The following TSFM variants were observed in gnomAD, a reference collection of about 807,000 sequenced individuals.
The protein encoded by TSFM is elongation factor Ts, mitochondrial.
A neutral mutation model predicts 33.4 loss-of-function variants in TSFM; 29 were observed. That is an observed-to-expected ratio of 0.87 (90% CI 0.65 to 1.18). TSFM has a LOEUF of 1.18. Among genes scored for constraint, TSFM ranks in the 50% most tolerant of loss-of-function variants. TSFM has a pLI of 0.00. For synonymous variants in TSFM, 178 were observed against 163.5 expected, an observed-to-expected ratio of 1.09 and a Z score of -0.68; for missense variants, 394 against 395.6, an observed-to-expected ratio of 1.00 and a Z score of 0.04.
chr12:57,783,196 G>A lies in TSFM; in HGVS notation c.144G>A (p.Glu48=). The A allele has an allele frequency of 6.2e-7, 1 of 1,613,754 alleles. No individual in the cohort carries two copies. Among genetic ancestry groups the A allele is most frequent in the East Asian group, 2.2e-5 (1 of 44,876 alleles). The stretch of plus-strand genomic sequence containing the variant: ...TGTCTGCCTCGGCCTCCAGCAAGGA[G>A]CTCCTCATGAAGCTGCGGCGGAAAA... ...PRLSASASSK[E]LLMKLRRKTG... Residue 48 remains glutamate (E), a synonymous_variant, in exon 2 of 6, where the codon GAG becomes GAA. Transcript: ENST00000652027.
chr12:57,784,892 C>A (rs868087158), intron 2 of TSFM, among the ~76,000 whole-genome samples: 61 of 130,326 alleles, frequency 4.7e-4, no homozygotes, highest in Admixed American at 2.2e-3. Flanking sequence ...AAAAAAAAAA[C>A]AACAACTTTT....
chr12:57,791,198 T>TG, intron 4 of TSFM, among the ~76,000 whole-genome samples: 1 of 151,922 alleles, frequency 6.6e-6, no homozygotes, highest in South Asian at 2.1e-4. Flanking sequence ...TTAGTAGAAA[T>TG]GGGGTTTCAC....
downstream of TSFM, among the ~76,000 whole-genome samples, chr12:57,798,327 T>C (rs911747460): frequency 6.6e-6 from 1 of 152,214 alleles, no homozygotes; most frequent in Non-Finnish European, 1.5e-5. Flanking sequence ...AAGAACTAAA[T>C]TGAGCTATGG....
At chr12:57,794,841 G>A (rs901027444) in intron 5 of TSFM, among the ~76,000 whole-genome samples, 4 of 149,358 alleles carry the variant, frequency 2.7e-5, no homozygotes, top group African/African-American at 9.9e-5. Flanking sequence ...CTCACTGCAA[G>A]CTCTGCCTCC....
rs1469228708 is a variant in TSFM, at chr12:57,782,866, G to C, written c.57+8G>C. 3.1e-6 allele frequency: 5 copies of C among 1,590,888 alleles called. No individual in the cohort carries two copies. Among genetic ancestry groups the C allele is most frequent in the Non-Finnish European group, 8.6e-7 (1 of 1,169,520 alleles). ...CGGACCGGGAGCTACCCGGTGAGAAGTCCTGGTGCTGGTACCGACCTGCTG... is the reference window on the plus strand; with the variant it reads ...CGGACCGGGAGCTACCCGGTGAGAACTCCTGGTGCTGGTACCGACCTGCTG... On this transcript the variant is annotated splice_region_variant and intron_variant, in intron 1 of 5. Transcript: ENST00000652027.
chr12:57,798,175 A>G (rs1955773981), downstream of TSFM, among the ~76,000 whole-genome samples: 1 of 152,236 alleles, frequency 6.6e-6, no homozygotes, highest in African/African-American at 2.4e-5. Flanking sequence ...TCTTCAGGTC[A>G]GGGAGTCCCA....
chr12:57,789,588 A>G (rs776374641), intron 4 of TSFM, among the ~76,000 whole-genome samples: 3 of 150,186 alleles, frequency 2.0e-5, no homozygotes, highest in Non-Finnish European at 3.0e-5. Context: ...CTGGTCTCGC[A>G]CTCCTGACCT....
chr12:57,799,708 G>A (rs767064726), downstream of TSFM: 466 of 1,565,722 alleles, frequency 3.0e-4, no homozygotes, highest in Non-Finnish European at 3.8e-4. Context: ...ACAATGTGCC[G>A]GAGCTGTCCT....
At chr12:57,795,776 A>G (rs1325942324) in intron 5 of TSFM, among the ~76,000 whole-genome samples, 1 of 151,806 alleles carries the variant, frequency 6.6e-6, no homozygotes, top group East Asian at 1.9e-4. Context: ...CACCACGCCC[A>G]GCTGATTTTT....
Position 57,796,173 on chromosome 12 carries a change from A to G in TSFM, c.572-4A>G. Reference sequence around the variant, plus strand: ...GTGTTGGTTTTTTGTTTTTGCTTTAATAGGAAAACTGGGAGAAAACATGAT... The same window carrying G: ...GTGTTGGTTTTTTGTTTTTGCTTTAGTAGGAAAACTGGGAGAAAACATGAT... On this transcript the variant is annotated splice_region_variant and splice_polypyrimidine_tract_variant and intron_variant, in intron 5 of 5. Coordinates refer to ENST00000652027, the MANE Select transcript of TSFM (RefSeq NM_005726.6). 1 of 1,567,014 alleles carries G rather than the reference A, an allele frequency of 6.4e-7. No homozygotes were observed. The highest frequency in any genetic ancestry group is 8.6e-7 in the Non-Finnish European group (1 of 1,156,552).
chr12:57,786,337 G>A (rs1227342468), intron 3 of TSFM, 46 bp downstream of exon 3: 2 of 1,589,610 alleles, frequency 1.3e-6, no homozygotes, highest in Non-Finnish European at 1.7e-6. Flanking sequence ...TGTCCCTTGG[G>A]TGTAAAGCTT....
chr12:57,790,951 C>T (rs1353492558), intron 4 of TSFM, among the ~76,000 whole-genome samples: 1 of 151,086 alleles, frequency 6.6e-6, no homozygotes, highest in Non-Finnish European at 1.5e-5. Context: ...AGTGATCTGC[C>T]TGACTTGGCC....
intron 4 of TSFM, 148 bp downstream of exon 4, chr12:57,787,310 C>T (rs981165033): frequency 1.8e-4 from 144 of 810,936 alleles, no homozygotes; most frequent in Non-Finnish European, 2.5e-4. Context: ...ACCCTTCCCC[C>T]GTTGCTATAT....
downstream of TSFM, chr12:57,797,729 G>GA: frequency 1.3e-6 from 1 of 742,884 alleles, no homozygotes; most frequent in Non-Finnish European, 1.9e-6. Flanking sequence ...GCAAGGATGA[G>GA]AAAAAATGGA....
At chr12:57,798,490 C>T (rs1955780678), downstream of TSFM, among the ~76,000 whole-genome samples, 1 of 152,086 alleles carries the variant, frequency 6.6e-6, no homozygotes, top group Non-Finnish European at 1.5e-5. Flanking sequence ...AATATATGGG[C>T]TTTGCTTTCA....
chr12:57,789,366 A>G (rs1639845316), intron 4 of TSFM, among the ~76,000 whole-genome samples: 1 of 152,172 alleles, frequency 6.6e-6, no homozygotes, highest in South Asian at 2.1e-4. Context: ...ATTGTTATAT[A>G]ACCACAGGAC....
chr12:57,787,702 G>C (rs2040452478), intron 4 of TSFM, among the ~76,000 whole-genome samples: 1 of 152,204 alleles, frequency 6.6e-6, no homozygotes, highest in African/African-American at 2.4e-5. Context: ...GCCGAGGCAG[G>C]CAGATCACCT....
At chr12:57,794,265 G>C (rs1219209124) in intron 5 of TSFM, among the ~76,000 whole-genome samples, 7 of 152,244 alleles carry the variant, frequency 4.6e-5, no homozygotes, top group Non-Finnish European at 7.4e-5. Context: ...AATTTGTTTT[G>C]GTTTCTGGAT....
chr12:57,802,109 G>T (rs748699547), downstream of TSFM: 5 of 1,594,586 alleles, frequency 3.1e-6, 1 homozygote, highest in South Asian at 5.6e-5. Flanking sequence ...CCACTGAGCT[G>T]TTCTGAGCTA....
Sources: allele counts gnomAD v4.1 joint callset (sites outside exome capture counted in the v4.1 genomes callset), GRCh38; gene constraint gnomAD v4.1.1; transcripts MANE v1.5; gene names NCBI Gene and HGNC (gene_info 2026-07-23, HGNC 2026-07-21).